WASL: variants seen among roughly 807,000 people sequenced by gnomAD.
The protein encoded by WASL is actin nucleation-promoting factor WASL.
In WASL, 20 loss-of-function variants were observed where a neutral mutation model predicts 55.5. That is an observed-to-expected ratio of 0.36 (90% CI 0.25 to 0.52). The LOEUF is 0.52. Among genes scored for constraint, WASL ranks in the 20% least tolerant of loss-of-function variants. The pLI is 0.92. For missense variants in WASL, 504 were observed against 622.5 expected, an observed-to-expected ratio of 0.81 and a Z score of 2.03; for synonymous variants, 249 against 217.6, an observed-to-expected ratio of 1.14 and a Z score of -1.27.
At chr7:123,743,754 T>C (rs781312740) in intron 1 of WASL, among the ~76,000 whole-genome samples, 1 of 152,216 alleles carries the variant, frequency 6.6e-6, no homozygotes, top group South Asian at 2.1e-4. Context: ...AATTACTCTT[T>C]GAAATCCTTG....
intron 1 of WASL, among the ~76,000 whole-genome samples, chr7:123,741,458 T>C (rs1217970646): frequency 1.3e-5 from 2 of 152,182 alleles, no homozygotes; most frequent in South Asian, 2.1e-4. Flanking sequence ...TAGTTAACAA[T>C]GTATATCCTA....
chr7:123,727,613 A>G (rs1057448212), intron 1 of WASL, among the ~76,000 whole-genome samples: 1 of 152,222 alleles, frequency 6.6e-6, no homozygotes, highest in South Asian at 2.1e-4. Context: ...CATGACAGAA[A>G]TCAGAAAGTG....
intron 1 of WASL, among the ~76,000 whole-genome samples, chr7:123,735,544 A>C (rs1169269046): frequency 1.3e-5 from 2 of 152,180 alleles, no homozygotes; most frequent in Admixed American, 1.3e-4. Context: ...TTATATCTGT[A>C]GTCCATATAT....
At chr7:123,698,298 A>T (rs1050286120) in intron 5 of WASL, among the ~76,000 whole-genome samples, 1 of 151,856 alleles carries the variant, frequency 6.6e-6, no homozygotes, top group Admixed American at 6.6e-5. Flanking sequence ...CTTGACTGTT[A>T]TTCTTTAATT....
intron 1 of WASL, among the ~76,000 whole-genome samples, chr7:123,739,357 T>C (rs1374295228): frequency 2.0e-5 from 3 of 152,206 alleles, no homozygotes; most frequent in Non-Finnish European, 2.9e-5. Context: ...ACATTTTCTA[T>C]CCCAAACTTT....
intron 1 of WASL, among the ~76,000 whole-genome samples, chr7:123,736,330 G>A (rs1280633595): frequency 3.9e-5 from 6 of 152,066 alleles, no homozygotes; most frequent in Non-Finnish European, 7.4e-5. Flanking sequence ...TGATACCAGA[G>A]AAATACCTAG....
intron 1 of WASL, among the ~76,000 whole-genome samples, chr7:123,716,773 T>TA (rs1355150803): frequency 6.6e-6 from 1 of 152,146 alleles, no homozygotes; most frequent in African/African-American, 2.4e-5. Flanking sequence ...GAAAAGTAGT[T>TA]ACTGCAGTTG....
At position 123,712,801 on chromosome 7, in the gene WASL, A is replaced by C. The variant is rs1019298433; in HGVS notation, c.118-3578T>G. Among the ~76,000 whole-genome samples the C allele has an allele frequency of 1.1e-4, 16 of 152,152 alleles. 1 individual carries two copies. The highest frequency in any genetic ancestry group is 8.5e-4 in the Admixed American group (13 of 15,274). ...TCCCACTTCCTCCTATTCCCTCTAT[A>C]TGTGTACCAACTTTCTTAAAAGTTC... is the stretch of plus-strand genomic sequence containing the variant. On this transcript the variant is annotated intron_variant, in intron 1 of 10. Transcript: ENST00000223023.
At chr7:123,695,553 A>T (rs1379706353) in intron 7 of WASL, among the ~76,000 whole-genome samples, 1 of 152,076 alleles carries the variant, frequency 6.6e-6, no homozygotes, top group Non-Finnish European at 1.5e-5. Context: ...GGCAGAAATG[A>T]TTTTCTTCTC....
chr7:123,686,970 T>C (rs1000234654), intron 10 of WASL, among the ~76,000 whole-genome samples: 2 of 152,198 alleles, frequency 1.3e-5, no homozygotes, highest in African/African-American at 4.8e-5. Flanking sequence ...TCCAGACTCA[T>C]AACGAAATGC....
At chr7:123,728,492 T>G (rs1330038776) in intron 1 of WASL, among the ~76,000 whole-genome samples, 4 of 152,144 alleles carry the variant, frequency 2.6e-5, no homozygotes, top group African/African-American at 9.7e-5. Context: ...GCTGATTCCA[T>G]AAATGTGTCC....
rs548986930 is a variant in WASL, at chr7:123,701,892, T to A, written c.460+2742A>T. ...CCATATTATATGTATATTTTATAAG[T>A]ATACAAGTATTGGCAATACATGCTG... On this transcript the variant is annotated intron_variant, in intron 5 of 10. Coordinates refer to ENST00000223023, the MANE Select transcript of WASL (RefSeq NM_003941.4). Among the ~76,000 whole-genome samples the A allele has an allele frequency of 1.1e-3, 168 of 151,878 alleles. 8 individuals carry two copies. In the South Asian group the frequency reaches 0.034, roughly 31 times the overall value.
At chr7:123,720,988 T>C (rs1385742042) in intron 1 of WASL, among the ~76,000 whole-genome samples, 1 of 152,216 alleles carries the variant, frequency 6.6e-6, no homozygotes, top group Non-Finnish European at 1.5e-5. Flanking sequence ...TGAGTAGCTC[T>C]TTAGCTTCCC....
intron 10 of WASL, among the ~76,000 whole-genome samples, chr7:123,685,873 TAA>T (rs895544178): frequency 8.0e-5 from 9 of 112,474 alleles, no homozygotes; most frequent in South Asian, 2.4e-4. Flanking sequence ...TATAAATATA[TAA>T]ATATATATAA....
Position 123,696,750 on chromosome 7 carries a change from GCAAATAAAAC to G in WASL, c.461-13_461-4del. 1 of 1,508,272 alleles carries G rather than the reference GCAAATAAAAC, an allele frequency of 6.6e-7. No homozygotes were observed. The highest frequency in any genetic ancestry group is 8.8e-7 in the Non-Finnish European group (1 of 1,130,644). 93.4% of individuals were successfully genotyped at this position (1,508,272 alleles called of 1,614,324 possible). On this transcript the variant is annotated splice_polypyrimidine_tract_variant and splice_region_variant and intron_variant, in intron 5 of 10. Transcript: ENST00000223023. Reference sequence around the variant, plus strand: ...TGTAGCCATGGGTAGATTAGGACCTGCAAATAAAACCAAATTATATAAAAGGGATATAATT... The same window carrying G: ...TGTAGCCATGGGTAGATTAGGACCTGCAAATTATATAAAAGGGATATAATT...
At chr7:123,725,039 G>A (rs1280490596) in intron 1 of WASL, among the ~76,000 whole-genome samples, 1 of 152,056 alleles carries the variant, frequency 6.6e-6, no homozygotes, top group East Asian at 1.9e-4. Context: ...TGAGAGTTCT[G>A]AGGCAAAAAA....
At chr7:123,730,882 C>T (rs931464406) in intron 1 of WASL, among the ~76,000 whole-genome samples, 26 of 152,074 alleles carry the variant, frequency 1.7e-4, no homozygotes, top group African/African-American at 6.0e-4. Context: ...GTTTGGTGTA[C>T]AGGTAATTGT....
rs766367974 is a variant in WASL at position 123,692,467 on chromosome 7, A to C, written c.1227T>G (p.Leu409=). The C allele has an allele frequency of 1.9e-6, 3 of 1,614,166 alleles. No individual in the cohort carries two copies. Residue 409 remains leucine, a synonymous_variant, in exon 9 of 11, where the codon CTT becomes CTG. Transcript: ENST00000223023. ...GAGCACCCTCTCTAATTTGATCTAAAAGAGCTGCTTTGTTTCCTGCAGTAG... is the reference window on the plus strand; with the variant it reads ...GAGCACCCTCTCTAATTTGATCTAACAGAGCTGCTTTGTTTCCTGCAGTAG... The part of the protein sequence containing the change: ...VPTTAGNKAA[L]LDQIREGAQL...
intron 1 of WASL, 102 bp from the exon 2 acceptor site, chr7:123,709,325 T>C: frequency 1.1e-6 from 1 of 902,896 alleles, no homozygotes; most frequent in Non-Finnish European, 1.5e-6. Flanking sequence ...AAGCTGCTCC[T>C]AAATTCCTGA....
Sources: gnomAD v4.1 joint callset for allele counts (sites outside exome capture counted in the v4.1 genomes callset) on GRCh38, gnomAD v4.1.1 for gene constraint, MANE v1.5 for transcripts, NCBI Gene and HGNC (gene_info 2026-07-23, HGNC 2026-07-21) for gene names.